Variants in CDK9 observed in about 807,000 individuals in gnomAD.
CDK9 encodes cyclin dependent kinase 9.
Under a neutral mutation model 39.0 loss-of-function variants are expected in CDK9, and 34 were observed. The ratio of observed to expected loss-of-function variants is 0.87; its 90% CI spans 0.66 to 1.16. The LOEUF is 1.16. CDK9 is among the 50% of genes most tolerant of loss of function. The probability of loss-of-function intolerance (pLI) is 0.00; values close to 1 mark genes in which losing one functional copy is unlikely to be tolerated. For synonymous variants in CDK9, 233 were observed against 196.2 expected (o/e 1.19, Z -1.57); for missense variants, 369 against 503.2 (o/e 0.73, Z 2.55).
chr9:127,789,731 A>G lies in CDK9; in HGVS notation c.*188A>G. ...GGCTGAGAGACCAGGAGGGCACTGG[A>G]GCTGTCTTGTCCTTGCTGGTTTTCT... On this transcript the variant is annotated 3_prime_UTR_variant, in exon 7 of 7. Coordinates refer to ENST00000373264, the MANE Select transcript of CDK9 (RefSeq NM_001261.4). This position sits in a 1 kb window ranked among gnomAD's most constrained non-coding sequence, Gnocchi z 5.2. 1 of 746,442 alleles carries G rather than the reference A, an allele frequency of 1.3e-6. No homozygotes were observed. The highest frequency in any genetic ancestry group is 2.7e-5 in the East Asian group (1 of 36,410). 46.2% of individuals were successfully genotyped at this position (746,442 alleles called of 1,614,324 possible).
chr9:127,789,331 C>T lies in CDK9; in HGVS notation c.907C>T (p.Arg303Cys). 6.2e-6 allele frequency: 10 copies of T among 1,613,926 alleles called. No homozygotes were observed. Among genetic ancestry groups the T allele is most frequent in the Non-Finnish European group, 8.5e-6 (10 of 1,180,038 alleles). The change falls in exon 7 of 7, where the codon CGC (arginine) becomes TGC (cysteine). Residue 303 changes from arginine (R) to cysteine (C), a missense_variant. Coordinates refer to ENST00000373264, the MANE Select transcript of CDK9 (RefSeq NM_001261.4). This position sits in a 1 kb window ranked among gnomAD's most constrained non-coding sequence, Gnocchi z 5.2. ...GCTGCTGGTGCTGGACCCTGCCCAGCGCATCGACAGCGATGACGCCCTCAA... is the reference window on the plus strand; with the variant it reads ...GCTGCTGGTGCTGGACCCTGCCCAGTGCATCGACAGCGATGACGCCCTCAA... ...DKLLVLDPAQRIDSDDALNHD... is the reference protein window; with the variant it reads ...DKLLVLDPAQCIDSDDALNHD...
chr9:127,788,125 A>G lies in CDK9; in HGVS notation c.432+12A>G, dbSNP rs1248631421. 2 of 1,613,994 alleles carry G rather than the reference A, an allele frequency of 1.2e-6. No individual in the cohort carries two copies. Among genetic ancestry groups the G allele is most frequent in the South Asian group, 1.1e-5 (1 of 91,090 alleles). On this transcript the variant is annotated intron_variant, in intron 4 of 6. Coordinates refer to ENST00000373264, the MANE Select transcript of CDK9 (RefSeq NM_001261.4). ...TCCACAGAAACAAGGTGGGGGCCAGAGCTGGGAGGAGGACCCAGGCTTGGG... is the reference window on the plus strand; with the variant it reads ...TCCACAGAAACAAGGTGGGGGCCAGGGCTGGGAGGAGGACCCAGGCTTGGG...
intron 2 of CDK9, among the ~76,000 whole-genome samples, chr9:127,787,018 G>A (rs141070146): frequency 1.3e-4 from 20 of 152,340 alleles, no homozygotes; most frequent in Non-Finnish European, 2.5e-4. Flanking sequence ...ATTTCACGAA[G>A]TTAGGAAGCC....
chr9:127,786,389 G>A, intron 1 of CDK9, 149 bp downstream of exon 1: 5 of 743,448 alleles, frequency 6.7e-6, no homozygotes, highest in Non-Finnish European at 8.9e-6. Flanking sequence ...CCCCGCCCCG[G>A]CCTGACGGAG....
intron 5 of CDK9, 66 bp downstream of exon 5, chr9:127,788,451 C>A (rs1829370154): frequency 6.4e-7 from 1 of 1,550,484 alleles, no homozygotes; most frequent in Non-Finnish European, 8.7e-7. Flanking sequence ...TTCCCCCCAA[C>A]TGCCAGGGCT....
chr9:127,786,228 A>T lies in CDK9; in HGVS notation c.80A>T (p.Gln27Leu). The T allele has an allele frequency of 1.2e-6, 2 of 1,608,652 alleles. No individual in the cohort carries two copies. The highest frequency in any genetic ancestry group is 1.7e-6 in the Non-Finnish European group (2 of 1,177,946). ...SKYEKLAKIG[Q>L]GTFGEVFKAR... Reference sequence around the variant, plus strand: ...TACGAGAAGCTCGCCAAGATCGGCCAAGGCACCTTCGGGTAAGGCTGGGCC... The same window carrying T: ...TACGAGAAGCTCGCCAAGATCGGCCTAGGCACCTTCGGGTAAGGCTGGGCC... Residue 27 changes from glutamine (Q) to leucine (L), a missense_variant, in exon 1 of 7, where the codon CAA becomes CTA. Coordinates refer to ENST00000373264, the MANE Select transcript of CDK9 (RefSeq NM_001261.4).
rs775888687 is a variant in CDK9, at chr9:127,786,118, T to C, written c.-31T>C. 2 of 1,546,098 alleles carry C rather than the reference T, an allele frequency of 1.3e-6. No homozygotes were observed. The highest frequency in any genetic ancestry group is 1.8e-5 in the Admixed American group (1 of 57,128). The stretch of plus-strand genomic sequence containing the variant: ...GAGCAGGAGCGGCGGCAGCAGCGAC[T>C]GGGGGCGGCGGCGGCGCGTTGGAGG... On this transcript the variant is annotated 5_prime_UTR_variant, in exon 1 of 7. Coordinates refer to ENST00000373264, the MANE Select transcript of CDK9 (RefSeq NM_001261.4).
At chr9:127,788,172 G>T (rs765767956) in intron 4 of CDK9, 42 bp from the exon 5 acceptor site, 1 of 1,613,308 alleles carries the variant, frequency 6.2e-7, no homozygotes, top group South Asian at 1.1e-5. Context: ...TCCCACTCCC[G>T]GGTGGATGTC....
In CDK9 at chr9:127,788,276, G is replaced by A. The variant is rs1438488152; in HGVS notation, c.495G>A (p.Leu165=). ...VLITRDGVLK[L]ADFGLARAFS... ...TCACTCGTGATGGGGTCCTGAAGCT[G>A]GCAGACTTTGGGCTGGCCCGGGCCT... Residue 165 remains leucine (L), a synonymous_variant, in exon 5 of 7, where the codon CTG becomes CTA. Transcript: ENST00000373264. 8.1e-6 allele frequency: 13 copies of A among 1,613,552 alleles called. No homozygotes were observed. Among genetic ancestry groups the A allele is most frequent in the Non-Finnish European group, 1.1e-5 (13 of 1,180,024 alleles).
intron 2 of CDK9, among the ~76,000 whole-genome samples, 198 bp downstream of exon 2, chr9:127,786,980 G>C (rs1001803652): frequency 6.6e-6 from 1 of 152,238 alleles, no homozygotes; most frequent in African/African-American, 2.4e-5. Flanking sequence ...CCAGGAGGGG[G>C]AGTTGATGCA....
At position 127,789,644 on chromosome 9, in the gene CDK9, T is replaced by G. The variant is rs1829393802; in HGVS notation, c.*101T>G. 6.9e-7 allele frequency: 1 copy of G among 1,439,496 alleles called. No homozygotes were observed. Among genetic ancestry groups the G allele is most frequent in the Non-Finnish European group, 9.3e-7 (1 of 1,075,178 alleles). The allele number at this position is 1,439,496 out of a possible 1,614,324, so 89.2% of individuals were successfully genotyped here. A position where few individuals can be genotyped will look rare whatever the true frequency, so the allele number is the denominator to read the frequency against. On this transcript the variant is annotated 3_prime_UTR_variant, in exon 7 of 7. Transcript: ENST00000373264. This position sits in a 1 kb window ranked among gnomAD's most constrained non-coding sequence, Gnocchi z 5.2. ...TTGAGTTTATATCTCTCATGCATAT[T>G]TTATTTAATCCCCACCCTGGGCTCT...
intron 2 of CDK9, among the ~76,000 whole-genome samples, chr9:127,787,103 T>C (rs780730529): frequency 3.3e-5 from 5 of 152,202 alleles, no homozygotes; most frequent in Non-Finnish European, 5.9e-5. Context: ...TTTTGAAAGG[T>C]GTCTGATACT....
At chr9:127,787,643 T>C in intron 3 of CDK9, 35 bp downstream of exon 3, 1 of 1,472,668 alleles carries the variant, frequency 6.8e-7, no homozygotes, top group Non-Finnish European at 9.5e-7. Flanking sequence ...AGATGACACT[T>C]GTAGCCTAAG....
chr9:127,789,666 C>T lies in CDK9; in HGVS notation c.*123C>T. On this transcript the variant is annotated 3_prime_UTR_variant, in exon 7 of 7. Coordinates refer to ENST00000373264, the MANE Select transcript of CDK9 (RefSeq NM_001261.4). The surrounding 1 kb of genome is among the most constrained non-coding windows in gnomAD (Gnocchi z 5.2). ...TATTTTATTTAATCCCCACCCTGGG[C>T]TCTGGGAGCAGCCCGCTGAGTGGAC... 1 of 1,303,540 alleles carries T rather than the reference C, an allele frequency of 7.7e-7. No homozygotes were observed. The highest frequency in any genetic ancestry group is 1.0e-6 in the Non-Finnish European group (1 of 965,918). 80.7% of individuals were successfully genotyped at this position (1,303,540 alleles called of 1,614,324 possible). A position where few individuals can be genotyped will look rare whatever the true frequency, so the allele number is the denominator to read the frequency against.
chr9:127,788,203 C>A lies in CDK9; in HGVS notation c.433-11C>A, dbSNP rs1033579304. On this transcript the variant is annotated splice_polypyrimidine_tract_variant and intron_variant, in intron 4 of 6. Coordinates refer to ENST00000373264, the MANE Select transcript of CDK9 (RefSeq NM_001261.4). ...ATGTCACTAAAGGACCCACTCTTGCCCTTCCTGCAGATCCTGCATAGGGAC... is the reference window on the plus strand; with the variant it reads ...ATGTCACTAAAGGACCCACTCTTGCACTTCCTGCAGATCCTGCATAGGGAC... 2 of 1,613,814 alleles carry A rather than the reference C, an allele frequency of 1.2e-6. No individual in the cohort carries two copies. The highest frequency in any genetic ancestry group is 1.7e-5 in the Admixed American group (1 of 60,006).
At position 127,788,108 on chromosome 9, in the gene CDK9, A is replaced by T. The variant is rs1829363616; in HGVS notation, c.427A>T (p.Asn143Tyr). The T allele has an allele frequency of 6.2e-7, 1 of 1,614,190 alleles. No individual in the cohort carries two copies. The highest frequency in any genetic ancestry group is 8.5e-7 in the Non-Finnish European group (1 of 1,180,024). The stretch of plus-strand genomic sequence containing the variant: ...TAACGGCCTCTACTACATCCACAGA[A>T]ACAAGGTGGGGGCCAGAGCTGGGAG... Reference protein sequence around the residue: ...LLNGLYYIHRNKILHRDMKAA... With the variant: ...LLNGLYYIHRYKILHRDMKAA... The change falls in exon 4 of 7, where the codon AAC (asparagine) becomes TAC (tyrosine). Residue 143 changes from asparagine to tyrosine, a missense_variant. Coordinates refer to ENST00000373264, the MANE Select transcript of CDK9 (RefSeq NM_001261.4).
chr9:127,786,086 G>A lies in CDK9; in HGVS notation c.-63G>A. On this transcript the variant is annotated 5_prime_UTR_variant, in exon 1 of 7. Coordinates refer to ENST00000373264, the MANE Select transcript of CDK9 (RefSeq NM_001261.4). The stretch of plus-strand genomic sequence containing the variant: ...AGGGGCCTGGAGTGCGGCGGCGGCG[G>A]GACCCGGAGCAGGAGCGGCGGCAGC... The A allele has an allele frequency of 7.7e-7, 1 of 1,302,894 alleles. No individual in the cohort carries two copies. The highest frequency in any genetic ancestry group is 1.1e-6 in the Non-Finnish European group (1 of 937,420). The allele number at this position is 1,302,894 out of a possible 1,614,324, so 80.7% of individuals were successfully genotyped here.
intron 1 of CDK9, 52 bp downstream of exon 1, chr9:127,786,292 C>T (rs1342013632): frequency 3.5e-6 from 5 of 1,434,472 alleles, no homozygotes; most frequent in Non-Finnish European, 3.9e-6. Context: ...CCCCTAGGGC[C>T]GACGTCGGGA....
At position 127,789,219 on chromosome 9, in the gene CDK9, G is replaced by A. The variant is rs1361123169; in HGVS notation, c.795G>A (p.Leu265=). The change falls in exon 7 of 7, where the codon CTG becomes CTA. Residue 265 remains leucine, a synonymous_variant. Coordinates refer to ENST00000373264, the MANE Select transcript of CDK9 (RefSeq NM_001261.4). The surrounding 1 kb of genome is among the most constrained non-coding windows in gnomAD (Gnocchi z 5.2). ...ACAACTATGAGCTGTACGAAAAGCT[G>A]GAGCTGGTCAAGGGCCAGAAGCGGA... The part of the protein sequence containing the change: ...NVDNYELYEK[L]ELVKGQKRKV... 6.2e-7 allele frequency: 1 copy of A among 1,606,210 alleles called. No individual in the cohort carries two copies. Among genetic ancestry groups the A allele is most frequent in the Non-Finnish European group, 8.5e-7 (1 of 1,174,440 alleles).
Sources: gnomAD v4.1 joint callset for allele counts (sites outside exome capture counted in the v4.1 genomes callset) on GRCh38, gnomAD v4.1.1 for gene constraint, Gnocchi (gnomAD v3.1) non-coding constraint, MANE v1.5 for transcripts, NCBI Gene and HGNC (gene_info 2026-07-23, HGNC 2026-07-21) for gene names.